Variants in RASGRP2 observed in about 807,000 individuals in gnomAD.
RASGRP2 encodes the protein RAS guanyl releasing protein 2.
RASGRP2 carries 44 observed loss-of-function variants against 71.0 expected under a neutral mutation model. That is an observed-to-expected ratio of 0.62 (90% CI 0.49 to 0.80). The LOEUF is 0.80. Ranked by LOEUF, RASGRP2 falls within the 30% of genes least tolerant of loss-of-function variation. The pLI is 0.00. For missense variants in RASGRP2, 663 were observed against 813.4 expected (o/e 0.82, Z 2.25); for synonymous variants, 350 against 330.7 (o/e 1.06, Z -0.63).
chr11:64,743,027 C>CGTTT lies in RASGRP2; in HGVS notation c.-71-91_-71-90insAAAC. Reference sequence around the variant, plus strand: ...GAAACGGGGCGGGGCGGGCACGCCCCCTGCTGGACAGGGGCGGAGTTGTCC... The same window carrying CGTTT: ...GAAACGGGGCGGGGCGGGCACGCCCCGTTTCTGCTGGACAGGGGCGGAGTTGTCC... On this transcript the variant is annotated intron_variant, in intron 1 of 16. Transcript: ENST00000394432. The surrounding 1 kb of genome is among the most constrained non-coding windows in gnomAD (Gnocchi z 4.9). The CGTTT allele has an allele frequency of 7.2e-7, 1 of 1,394,550 alleles. No homozygotes were observed. The highest frequency in any genetic ancestry group is 9.8e-7 in the Non-Finnish European group (1 of 1,024,936). 86.4% of individuals were successfully genotyped at this position (1,394,550 alleles called of 1,614,324 possible). A position where few individuals can be genotyped will look rare whatever the true frequency, so the allele number is the denominator to read the frequency against.
At position 64,739,844 on chromosome 11, in the gene RASGRP2, G is replaced by A. The variant is rs71581753; in HGVS notation, c.523-35C>T. 0.025 allele frequency: 40,540 copies of A among 1,612,086 alleles called. 652 individuals are homozygous for A. Among genetic ancestry groups the A allele is most frequent in the South Asian group, 0.038 (3,460 of 91,020 alleles). On this transcript the variant is annotated intron_variant, in intron 6 of 16. Coordinates refer to ENST00000394432, the MANE Select transcript of RASGRP2 (RefSeq NM_001098671.2). The surrounding 1 kb of genome is among the most constrained non-coding windows in gnomAD (Gnocchi z 4.2). ...TGAGGAGTGGCCTCAGCACCTTGCT[G>A]GCCTCTCCCCTCACTGATAGCCACT...
chr11:64,727,054 G>C lies in RASGRP2; in HGVS notation c.*84C>G, dbSNP rs2135715113. 1.1e-5 allele frequency: 4 copies of C among 376,474 alleles called. No homozygotes were observed. Among genetic ancestry groups the C allele is most frequent in the Non-Finnish European group, 2.0e-5 (4 of 198,420 alleles). 23.3% of individuals were successfully genotyped at this position (376,474 alleles called of 1,614,324 possible). A position where few individuals can be genotyped will look rare whatever the true frequency, so the allele number is the denominator to read the frequency against. ...ATCCCACCCCCATCCCCAGCCTCCT[G>C]CCCCGACACCCCCAGGCTCCCTGCT... is the stretch of plus-strand genomic sequence containing the variant. On this transcript the variant is annotated 3_prime_UTR_variant, in exon 17 of 17. Transcript: ENST00000394432.
Position 64,742,545 on chromosome 11 carries a change from C to CA in RASGRP2, c.73+248dup, listed in dbSNP as rs974497340. ...GAGACAGATAATGCCCCTCAAGTGT[C>CA]AGAGTCCGGGACCCGGCCCTCCCTT... On this transcript the variant is annotated intron_variant, in intron 2 of 16. Transcript: ENST00000394432. This position sits in a 1 kb window ranked among gnomAD's most constrained non-coding sequence, Gnocchi z 4.7. 14 of 600,148 alleles carry CA rather than the reference C, an allele frequency of 2.3e-5. No homozygotes were observed. Among genetic ancestry groups the CA allele is most frequent in the African/African-American group, 3.7e-5 (2 of 53,870 alleles). 37.2% of individuals were successfully genotyped at this position (600,148 alleles called of 1,614,324 possible).
Position 64,735,084 on chromosome 11 carries a change from T to C in RASGRP2, c.1412+28A>G, listed in dbSNP as rs746421175. 1.3e-6 allele frequency: 2 copies of C among 1,562,976 alleles called. No homozygotes were observed. Among genetic ancestry groups the C allele is most frequent in the South Asian group, 2.2e-5 (2 of 90,078 alleles). On this transcript the variant is annotated intron_variant, in intron 12 of 16. Transcript: ENST00000394432. This position sits in a 1 kb window ranked among gnomAD's most constrained non-coding sequence, Gnocchi z 4.2. ...CAGAAGTGGGCTGAGTTGCCTTCCCTCTCCCCCAGGTCCCCAGCCCTCCTC... is the reference window on the plus strand; with the variant it reads ...CAGAAGTGGGCTGAGTTGCCTTCCCCCTCCCCCAGGTCCCCAGCCCTCCTC...
At chr11:64,738,957 T>TG (rs2058031679) in intron 8 of RASGRP2, among the ~76,000 whole-genome samples, 1 of 133,098 alleles carries the variant, frequency 7.5e-6, no homozygotes, top group Non-Finnish European at 1.6e-5. Flanking sequence ...ACCCCATCTC[T>TG]AAAAAAAAAA....
At chr11:64,731,079 G>A (rs889435711) in intron 12 of RASGRP2, among the ~76,000 whole-genome samples, 1 of 152,168 alleles carries the variant, frequency 6.6e-6, no homozygotes, top group Admixed American at 6.5e-5. Flanking sequence ...ATATAGGGCC[G>A]AGCACAGTGG....
chr11:64,734,489 A>T (rs1398166007), intron 12 of RASGRP2, among the ~76,000 whole-genome samples: 2 of 151,940 alleles, frequency 1.3e-5, no homozygotes, highest in Non-Finnish European at 2.9e-5. Context: ...TTCACTATAA[A>T]TTTATTTTAC....
At chr11:64,734,505 A>G (rs954602707) in intron 12 of RASGRP2, among the ~76,000 whole-genome samples, 3 of 152,020 alleles carry the variant, frequency 2.0e-5, no homozygotes, top group Non-Finnish European at 2.9e-5. Flanking sequence ...TTTACCACCT[A>G]GATTTTATTT....
rs762577652 is a variant in RASGRP2, at chr11:64,736,870, C to A, written c.978G>T (p.Arg326=). 6 of 1,613,772 alleles carry A rather than the reference C, an allele frequency of 3.7e-6. No homozygotes were observed. The highest frequency in any genetic ancestry group is 4.2e-6 in the Non-Finnish European group (5 of 1,180,028). Residue 326 remains arginine (R), a synonymous_variant, in exon 9 of 17, where the codon CGG becomes CGT. Coordinates refer to ENST00000394432, the MANE Select transcript of RASGRP2 (RefSeq NM_001098671.2). The part of the protein sequence containing the change: ...LALPDWLDPA[R]TRLNGAKMKQ... ...TCATCTTGGCCCCGTTGAGCCGGGTCCGGGCTGGGTCCAGCCAGTCAGGCA... is the reference window on the plus strand; with the variant it reads ...TCATCTTGGCCCCGTTGAGCCGGGTACGGGCTGGGTCCAGCCAGTCAGGCA...
At chr11:64,736,110 T>C (rs1450639181) in intron 9 of RASGRP2, 130 bp from the exon 10 acceptor site, 4 of 759,602 alleles carry the variant, frequency 5.3e-6, no homozygotes, top group Non-Finnish European at 9.2e-6. Context: ...GGACAAAGCC[T>C]GGCTTAGAAC....
chr11:64,736,049 C>A, intron 9 of RASGRP2, 69 bp from the exon 10 acceptor site: 1 of 1,335,806 alleles, frequency 7.5e-7, no homozygotes, highest in Non-Finnish European at 1.1e-6. Flanking sequence ...GGCCAAAGGT[C>A]GACCTAGAGG....
At position 64,743,711 on chromosome 11, in the gene RASGRP2, G is replaced by C. The variant is rs1445927682; in HGVS notation, c.-72+292C>G. ...CCCCGGCCCCGCACAGGCGAACTGTGAGCGCGCACGGAGCAGGGTGTCCAG... is the reference window on the plus strand; with the variant it reads ...CCCCGGCCCCGCACAGGCGAACTGTCAGCGCGCACGGAGCAGGGTGTCCAG... On this transcript the variant is annotated intron_variant, in intron 1 of 16. Transcript: ENST00000394432. This position sits in a 1 kb window ranked among gnomAD's most constrained non-coding sequence, Gnocchi z 4.9. 2.7e-6 allele frequency: 1 copy of C among 365,228 alleles called. No homozygotes were observed. The highest frequency in any genetic ancestry group is 2.2e-5 in the African/African-American group (1 of 45,044). 22.6% of individuals were successfully genotyped at this position (365,228 alleles called of 1,614,324 possible). A position where few individuals can be genotyped will look rare whatever the true frequency, so the allele number is the denominator to read the frequency against.
At position 64,728,920 on chromosome 11, in the gene RASGRP2, G is replaced by T; in HGVS notation, c.1714C>A (p.His572Asn). 1 of 1,613,252 alleles carries T rather than the reference G, an allele frequency of 6.2e-7. No individual in the cohort carries two copies. The highest frequency in any genetic ancestry group is 8.5e-7 in the Non-Finnish European group (1 of 1,179,986). The change falls in exon 15 of 17, where the codon CAC becomes AAC. Residue 572 changes from histidine to asparagine, a missense_variant. By Grantham distance (68) the His-to-Asn change is moderately conservative. Coordinates refer to ENST00000394432, the MANE Select transcript of RASGRP2 (RefSeq NM_001098671.2). ...GGCAGAGAGAAGCTGAAGGCGCGGT[G>T]ATGGTGGCTGTGCATGGGTGAGGGT... ...PSPSPMHSHH[H>N]RAFSFSLPRP... is the part of the protein sequence containing the mutation.
In RASGRP2 at chr11:64,728,943, G is replaced by A. The variant is rs1343835217; in HGVS notation, c.1691C>T (p.Pro564Leu). 1 of 1,612,906 alleles carries A rather than the reference G, an allele frequency of 6.2e-7. No homozygotes were observed. The highest frequency in any genetic ancestry group is 8.5e-7 in the Non-Finnish European group (1 of 1,179,914). Residue 564 changes from proline (P) to leucine (L), a missense_variant, in exon 15 of 17, where the codon CCC becomes CTC. Transcript: ENST00000394432. Reference protein sequence around the residue: ...SVSLEGSAPSPSPMHSHHHRA... With the variant: ...SVSLEGSAPSLSPMHSHHHRA... ...GTGATGGTGGCTGTGCATGGGTGAG[G>A]GTGAGGGTGCAGACCCCTCCAGGCT...
Position 64,728,937 on chromosome 11 carries a change from G to T in RASGRP2, c.1697C>A (p.Pro566His). 6.2e-7 allele frequency: 1 copy of T among 1,612,744 alleles called. No individual in the cohort carries two copies. The change falls in exon 15 of 17, where the codon CCC becomes CAC. Residue 566 changes from proline (P) to histidine (H), a missense_variant. Pro to His is a moderately conservative substitution (Grantham distance 77, BLOSUM62 -2). Coordinates refer to ENST00000394432, the MANE Select transcript of RASGRP2 (RefSeq NM_001098671.2). ...SLEGSAPSPSPMHSHHHRAFS... is the reference protein window; with the variant it reads ...SLEGSAPSPSHMHSHHHRAFS... ...GGCGCGGTGATGGTGGCTGTGCATGGGTGAGGGTGAGGGTGCAGACCCCTC... is the reference window on the plus strand; with the variant it reads ...GGCGCGGTGATGGTGGCTGTGCATGTGTGAGGGTGAGGGTGCAGACCCCTC...
intron 13 of RASGRP2, 54 bp from the exon 14 acceptor site, chr11:64,729,852 A>G: frequency 6.2e-7 from 1 of 1,605,870 alleles, no homozygotes; most frequent in South Asian, 1.1e-5. Context: ...TGATGACTCT[A>G]CTTCTTCCTT....
rs1327025012 is a variant in RASGRP2 at position 64,743,220 on chromosome 11, GC to G, written c.-71-284del. On this transcript the variant is annotated intron_variant, in intron 1 of 16. Coordinates refer to ENST00000394432, the MANE Select transcript of RASGRP2 (RefSeq NM_001098671.2). This position sits in a 1 kb window ranked among gnomAD's most constrained non-coding sequence, Gnocchi z 4.9. The stretch of plus-strand genomic sequence containing the variant: ...AGATCCCAGGACTGGCTGGCGCCCA[GC>G]CCCCCGCAGGGCGCCTTCTCCTCGC... 1.3e-5 allele frequency: 7 copies of G among 520,006 alleles called. No homozygotes were observed. The highest frequency in any genetic ancestry group is 4.5e-5 in the Admixed American group (2 of 44,278). 32.2% of individuals were successfully genotyped at this position (520,006 alleles called of 1,614,324 possible).
Position 64,742,894 on chromosome 11 carries a change from C to T in RASGRP2, c.-28G>A. The T allele has an allele frequency of 6.4e-7, 1 of 1,565,312 alleles. No homozygotes were observed. Among genetic ancestry groups the T allele is most frequent in the Non-Finnish European group, 8.6e-7 (1 of 1,159,938 alleles). On this transcript the variant is annotated 5_prime_UTR_variant, in exon 2 of 17. Coordinates refer to ENST00000394432, the MANE Select transcript of RASGRP2 (RefSeq NM_001098671.2). This position sits in a 1 kb window ranked among gnomAD's most constrained non-coding sequence, Gnocchi z 4.7. ...CCGCCGGCGCGGGGTGGGCTGGGCCCAGGCTGCGCTCCGGGAGCCTCCCAC... is the reference window on the plus strand; with the variant it reads ...CCGCCGGCGCGGGGTGGGCTGGGCCTAGGCTGCGCTCCGGGAGCCTCCCAC...
chr11:64,744,399 C>T, upstream of RASGRP2: 8 of 804,884 alleles, frequency 9.9e-6, no homozygotes, highest in Non-Finnish European at 1.2e-5. Context: ...CTAAGAGCCA[C>T]CCAGAGCCGT....
Sources: allele counts gnomAD v4.1 joint callset (sites outside exome capture counted in the v4.1 genomes callset), GRCh38; gene constraint gnomAD v4.1.1; non-coding constraint Gnocchi (gnomAD v3.1); transcripts MANE v1.5; gene names NCBI Gene and HGNC (gene_info 2026-07-23, HGNC 2026-07-21).